SREBF2: variants seen among roughly 807,000 people sequenced by gnomAD.
SREBF2 encodes the protein sterol regulatory element-binding protein 2.
In SREBF2, 55 loss-of-function variants were observed where a neutral mutation model predicts 113.1. The ratio of observed to expected loss-of-function variants is 0.49; its 90% confidence interval spans 0.39 to 0.61. The LOEUF (loss-of-function observed/expected upper bound fraction) is 0.61. SREBF2 is among the 20% of genes least tolerant of loss of function. The pLI is 0.00. For synonymous variants in SREBF2, 593 were observed against 605.7 expected (o/e 0.98, Z 0.31); for missense variants, 1,349 against 1,487.4 (o/e 0.91, Z 1.53).
chr22:41,853,547 A>G (rs918755143), intron 1 of SREBF2, among the ~76,000 whole-genome samples: 5 of 152,190 alleles, frequency 3.3e-5, no homozygotes, highest in Non-Finnish European at 7.3e-5. Context: ...TCAAGGACTA[A>G]TTTATTATCT....
chr22:41,889,376 C>T lies in SREBF2; in HGVS notation c.2209-3741C>T, dbSNP rs538639733. On this transcript the variant is annotated intron_variant, in intron 11 of 18. Coordinates refer to ENST00000361204, the MANE Select transcript of SREBF2 (RefSeq NM_004599.4). ...TCCTGGGCTTAAGCGATCTGCCCAC[C>T]TCAGCCTCTCAAAGTGCTGGGATTA... is the stretch of plus-strand genomic sequence containing the variant. 1.7e-4 allele frequency among the ~76,000 whole-genome samples: 26 copies of T among 152,230 alleles called. No individual in the cohort carries two copies. In the East Asian group the frequency reaches 4.8e-3, roughly 28 times the overall value.
intron 15 of SREBF2, 31 bp from the exon 16 acceptor site, chr22:41,900,299 C>A (rs1230317064): frequency 1.2e-6 from 2 of 1,606,750 alleles, no homozygotes; most frequent in Admixed American, 1.7e-5. Context: ...CACATAGTGA[C>A]CTGCCTCTCG....
intron 1 of SREBF2, among the ~76,000 whole-genome samples, chr22:41,847,694 C>A (rs2076889914): frequency 6.6e-6 from 1 of 152,170 alleles, no homozygotes. Flanking sequence ...CTGAGTGCCT[C>A]ATTTTCCTTA....
intron 14 of SREBF2, among the ~76,000 whole-genome samples, chr22:41,898,300 TAG>T (rs984418294): frequency 1.3e-4 from 20 of 152,060 alleles, no homozygotes; most frequent in Non-Finnish European, 2.2e-4. Flanking sequence ...GTATTTTTAG[TAG>T]AGAGGGGGTT....
At chr22:41,902,916 G>A (rs1434451797) in intron 16 of SREBF2, 54 bp from the exon 17 acceptor site, 1 of 1,561,516 alleles carries the variant, frequency 6.4e-7, no homozygotes, top group African/African-American at 1.4e-5. Context: ...TAGGATCCTT[G>A]CCTCAGGGAT....
In SREBF2 at chr22:41,884,847, C is replaced by T. The variant is rs1286641638; in HGVS notation, c.2044C>T (p.Leu682Phe). 1.2e-6 allele frequency: 2 copies of T among 1,614,206 alleles called. No homozygotes were observed. The highest frequency in any genetic ancestry group is 4.5e-5 in the East Asian group (2 of 44,886). ...RLHQLHITGK[L>F]PAGSACSDVH... ...TCTGTTTCTGCCCACCCTAGGGAAG[C>T]TTCCTGCAGGATCCGCCTGTTCCGA... Residue 682 changes from leucine to phenylalanine, a missense_variant, in exon 11 of 19, where the codon CTT (leucine) becomes TTT (phenylalanine). Around this residue, in one of 2 missense-constraint regions of SREBF2, gnomAD observed 650 missense variants for 644.1 expected, o/e 1.01. Coordinates refer to ENST00000361204, the MANE Select transcript of SREBF2 (RefSeq NM_004599.4).
intron 2 of SREBF2, 138 bp downstream of exon 2, chr22:41,867,418 A>G: frequency 2.2e-6 from 2 of 919,240 alleles, no homozygotes; most frequent in Non-Finnish European, 3.5e-6. Context: ...GGTTCTGGTA[A>G]CTGGCAATAA....
intron 1 of SREBF2, among the ~76,000 whole-genome samples, chr22:41,858,852 G>T (rs1242963189): frequency 1.3e-5 from 2 of 152,108 alleles, no homozygotes; most frequent in African/African-American, 4.8e-5. Context: ...TTTTAAAAAA[G>T]ATAGGGACCT....
At chr22:41,857,066 C>CAAAAA (rs533566059) in intron 1 of SREBF2, among the ~76,000 whole-genome samples, 1 of 106,744 alleles carries the variant, frequency 9.4e-6, no homozygotes, top group Non-Finnish European at 2.0e-5. Context: ...GACTCTGTCT[C>CAAAAA]AAAAAAAAAA....
intron 13 of SREBF2, 141 bp from the exon 14 acceptor site, chr22:41,896,911 G>T: frequency 1.5e-6 from 1 of 653,736 alleles, no homozygotes; most frequent in Non-Finnish European, 2.8e-6. Context: ...CACATAGACA[G>T]CGCTTGCGTG....
chr22:41,886,755 C>T (rs8138841), intron 11 of SREBF2, among the ~76,000 whole-genome samples: 3,787 of 152,208 alleles, frequency 0.025, 152 homozygotes, highest in African/African-American at 0.086. Context: ...CTGGGAGGGC[C>T]GGGCACGGTG....
At chr22:41,879,716 A>G (rs2077228001) in intron 9 of SREBF2, among the ~76,000 whole-genome samples, 3 of 152,338 alleles carry the variant, frequency 2.0e-5, no homozygotes, top group South Asian at 4.1e-4. Flanking sequence ...CAGCTGCCCA[A>G]TAGAGGAAAA....
In SREBF2 at chr22:41,833,222, C is replaced by T; in HGVS notation, c.-49C>T. On this transcript the variant is annotated 5_prime_UTR_variant, in exon 1 of 19. Coordinates refer to ENST00000361204, the MANE Select transcript of SREBF2 (RefSeq NM_004599.4). This position sits in a 1 kb window ranked among gnomAD's most constrained non-coding sequence, Gnocchi z 4.1. ...GGCGGTGGCGACGGCACCGCCCCCG[C>T]GTCTCCCTGAGCGGGACGGCAGGGG... 2 of 1,449,534 alleles carry T rather than the reference C, an allele frequency of 1.4e-6. No individual in the cohort carries two copies. Among genetic ancestry groups the T allele is most frequent in the South Asian group, 2.6e-5 (2 of 78,110 alleles). 89.8% of individuals were successfully genotyped at this position (1,449,534 alleles called of 1,614,324 possible). A position where few individuals can be genotyped will look rare whatever the true frequency, so the allele number is the denominator to read the frequency against.
chr22:41,885,348 A>G (rs1210960243), intron 11 of SREBF2, among the ~76,000 whole-genome samples: 3 of 152,238 alleles, frequency 2.0e-5, no homozygotes, highest in African/African-American at 7.2e-5. Flanking sequence ...TCAAGTGGTC[A>G]TAAAAATTCT....
intron 5 of SREBF2, 98 bp from the exon 6 acceptor site, chr22:41,875,239 C>T: frequency 2.0e-6 from 2 of 1,015,022 alleles, no homozygotes; most frequent in Non-Finnish European, 1.5e-6. Flanking sequence ...TTTCTCCTCT[C>T]ACAGAGCCAT....
rs960803340 is a variant in SREBF2 at position 41,885,022 on chromosome 22, T to C, written c.2208+11T>C. On this transcript the variant is annotated intron_variant, in intron 11 of 18. Coordinates refer to ENST00000361204, the MANE Select transcript of SREBF2 (RefSeq NM_004599.4). ...CTGGGCTTCCTGGCCGTGAGTACCC[T>C]TCGGTTCCCTTCTGTAAACCTCCCC... The C allele has an allele frequency of 1.9e-6, 3 of 1,613,694 alleles. No homozygotes were observed. The African/African-American group carries it at 4.0e-5, about 22-fold the overall frequency.
At chr22:41,853,927 C>G (rs7291503) in intron 1 of SREBF2, among the ~76,000 whole-genome samples, 1 of 150,676 alleles carries the variant, frequency 6.6e-6, no homozygotes, top group East Asian at 2.0e-4. Context: ...CCCAGCTACT[C>G]GGGAGGCTGA....
intron 1 of SREBF2, among the ~76,000 whole-genome samples, chr22:41,843,168 A>G (rs1206050903): frequency 2.0e-5 from 3 of 152,200 alleles, no homozygotes; most frequent in Non-Finnish European, 4.4e-5. Context: ...TTTCATCTTG[A>G]TCCCAGATAG....
At chr22:41,891,907 T>C (rs2077366836) in intron 11 of SREBF2, among the ~76,000 whole-genome samples, 1 of 152,182 alleles carries the variant, frequency 6.6e-6, no homozygotes, top group South Asian at 2.1e-4. Context: ...GAAAACGTGG[T>C]AGATGGTATT....
Sources: allele counts gnomAD v4.1 joint callset (sites outside exome capture counted in the v4.1 genomes callset), GRCh38; gene constraint gnomAD v4.1.1; regional missense constraint gnomAD v4.1.1; non-coding constraint Gnocchi (gnomAD v3.1); transcripts MANE v1.5; gene names NCBI Gene and HGNC (gene_info 2026-07-23, HGNC 2026-07-21).